Variants in ITPK1 observed in about 807,000 individuals in gnomAD.
ITPK1 encodes the protein inositol-tetrakisphosphate 1-kinase.
Under a neutral mutation model 45.3 loss-of-function variants are expected in ITPK1, and 21 were observed. That is an observed-to-expected ratio of 0.46 (90% confidence interval 0.33 to 0.67). ITPK1 has a LOEUF of 0.67. ITPK1 is among the 30% of genes least tolerant of loss of function. ITPK1 has a pLI of 0.02. For missense variants in ITPK1, 474 were observed against 573.5 expected (o/e 0.83, Z 1.77); for synonymous variants, 258 against 253.6 (o/e 1.02, Z -0.16).
intron 5 of ITPK1, among the ~76,000 whole-genome samples, chr14:92,984,505 G>C (rs1886399485): frequency 6.6e-6 from 1 of 151,938 alleles, no homozygotes; most frequent in Non-Finnish European, 1.5e-5. Context: ...CTTTTTTATA[G>C]AATATGAAGT....
intron 3 of ITPK1, among the ~76,000 whole-genome samples, chr14:93,019,550 T>C (rs1359234555): frequency 6.6e-6 from 1 of 152,212 alleles, no homozygotes; most frequent in Non-Finnish European, 1.5e-5. Context: ...TGGGCTGCTC[T>C]CGGGTGCGGC....
chr14:93,034,977 C>T lies in ITPK1; in HGVS notation c.121-18176G>A, dbSNP rs1362531960. Among the ~76,000 whole-genome samples the T allele has an allele frequency of 1.3e-5, 2 of 152,262 alleles. No individual in the cohort carries two copies. Among genetic ancestry groups the T allele is most frequent in the African/African-American group, 4.8e-5 (2 of 41,470 alleles). ...GACGGGCCTGGCCTCTGGGCACCTG[C>T]ACCTACAAAGCAAGTCCTACAGGGT... On this transcript the variant is annotated intron_variant, in intron 3 of 10. Coordinates refer to ENST00000267615, the MANE Select transcript of ITPK1 (RefSeq NM_014216.6). The surrounding 1 kb of genome is among the most constrained non-coding windows in gnomAD (Gnocchi z 4.1).
At chr14:93,083,563 C>A (rs957800078) in intron 2 of ITPK1, among the ~76,000 whole-genome samples, 2 of 152,246 alleles carry the variant, frequency 1.3e-5, no homozygotes, top group Admixed American at 6.5e-5. Flanking sequence ...TCAGGCACCC[C>A]AAATAACAAG....
chr14:93,004,976 G>A (rs1248249538), intron 4 of ITPK1, among the ~76,000 whole-genome samples: 2 of 152,162 alleles, frequency 1.3e-5, no homozygotes, highest in African/African-American at 4.8e-5. Flanking sequence ...GCGGACGGCA[G>A]TCTCAACATG....
chr14:92,951,898 C>A lies in ITPK1; in HGVS notation c.738+48G>T, dbSNP rs1887969647. 5 of 1,467,412 alleles carry A rather than the reference C, an allele frequency of 3.4e-6. No homozygotes were observed. In the East Asian group the frequency reaches 1.2e-4, roughly 36 times the overall value. 90.9% of individuals were successfully genotyped at this position (1,467,412 alleles called of 1,614,324 possible). A position where few individuals can be genotyped will look rare whatever the true frequency, so the allele number is the denominator to read the frequency against. On this transcript the variant is annotated intron_variant, in intron 9 of 10. Coordinates refer to ENST00000267615, the MANE Select transcript of ITPK1 (RefSeq NM_014216.6). The stretch of plus-strand genomic sequence containing the variant: ...TGGCCACAGCAGCCCACACCTAGGC[C>A]CACGGGAGGGCAGTTTCAGGCCAGG...
chr14:93,000,085 CTTCT>C (rs1756415568), intron 4 of ITPK1, among the ~76,000 whole-genome samples: 1 of 152,302 alleles, frequency 6.6e-6, no homozygotes, highest in Middle Eastern at 3.4e-3. Flanking sequence ...GTGCTTTGTT[CTTCT>C]TTAAGATGAA....
chr14:93,078,593 CT>C (rs1488671401), intron 2 of ITPK1, among the ~76,000 whole-genome samples: 1 of 152,222 alleles, frequency 6.6e-6, no homozygotes, highest in Non-Finnish European at 1.5e-5. Flanking sequence ...CAATATCCAT[CT>C]GCTTCCACGG....
At chr14:93,078,885 C>T (rs779328902) in intron 2 of ITPK1, among the ~76,000 whole-genome samples, 1 of 152,160 alleles carries the variant, frequency 6.6e-6, no homozygotes, top group Non-Finnish European at 1.5e-5. Context: ...CAAACTCCAG[C>T]GGCCCTGCTC....
chr14:93,077,706 T>C (rs1891282147), intron 2 of ITPK1, among the ~76,000 whole-genome samples: 1 of 152,148 alleles, frequency 6.6e-6, no homozygotes, highest in African/African-American at 2.4e-5. Flanking sequence ...CTGGCCCTGG[T>C]GCCCACCTCC....
rs1316201141 is a variant in ITPK1 at position 92,958,470 on chromosome 14, C to A, written c.505-104G>T. 2 of 1,144,640 alleles carry A rather than the reference C, an allele frequency of 1.7e-6. No individual in the cohort carries two copies. The highest frequency in any genetic ancestry group is 2.5e-6 in the Non-Finnish European group (2 of 786,312). The allele number at this position is 1,144,640 out of a possible 1,614,324, so 70.9% of individuals were successfully genotyped here. ...CAGAGCACCTCCACCAAGGCCCATC[C>A]CTGGTCCTGTGGCATGAGGACTCCC... On this transcript the variant is annotated intron_variant, in intron 7 of 10. Transcript: ENST00000267615. The surrounding 1 kb of genome is among the most constrained non-coding windows in gnomAD (Gnocchi z 4.4).
intron 3 of ITPK1, among the ~76,000 whole-genome samples, chr14:93,051,035 C>G (rs948651209): frequency 6.6e-6 from 1 of 152,088 alleles, no homozygotes; most frequent in Non-Finnish European, 1.5e-5. Flanking sequence ...GCCCAGTGCT[C>G]AGCACAGGGC....
chr14:93,054,773 C>T (rs1890153361), intron 3 of ITPK1, among the ~76,000 whole-genome samples: 3 of 152,216 alleles, frequency 2.0e-5, no homozygotes, highest in Admixed American at 2.0e-4. Context: ...GCATATATTA[C>T]AGAAAACAGC....
At chr14:92,998,561 G>A (rs868175927) in intron 4 of ITPK1, among the ~76,000 whole-genome samples, 2 of 152,372 alleles carry the variant, frequency 1.3e-5, no homozygotes, top group African/African-American at 4.8e-5. Context: ...GTAGGTGAGG[G>A]ACGGATGAAA....
chr14:93,052,994 G>T (rs1890080467), intron 3 of ITPK1, among the ~76,000 whole-genome samples: 2 of 148,656 alleles, frequency 1.3e-5, no homozygotes, highest in Admixed American at 1.3e-4. Context: ...GGGGGAAGGG[G>T]GAGGGATAGC....
chr14:93,056,041 C>T (rs977424413), intron 3 of ITPK1, among the ~76,000 whole-genome samples: 2 of 152,294 alleles, frequency 1.3e-5, no homozygotes, highest in South Asian at 2.1e-4. Context: ...GAACATCACC[C>T]GGTCTGGGGA....
intron 5 of ITPK1, among the ~76,000 whole-genome samples, chr14:92,970,837 G>A (rs1369908569): frequency 3.3e-5 from 5 of 152,014 alleles, no homozygotes; most frequent in Non-Finnish European, 2.9e-5. Context: ...GGGTTTCACC[G>A]TGTTAGCCAG....
intron 4 of ITPK1, among the ~76,000 whole-genome samples, chr14:93,004,268 G>A (rs1014001387): frequency 1.3e-5 from 2 of 152,260 alleles, no homozygotes; most frequent in Non-Finnish European, 2.9e-5. Flanking sequence ...AAGCAAAGCT[G>A]TCCTCTGAGG....
chr14:93,012,998 G>A lies in ITPK1; in HGVS notation c.246+3678C>T, dbSNP rs563624112. ...CAGGTGGCTCTGGGCGCCACAGCGA[G>A]GAGAAGGCTCGTGTTGCCCCCCTGG... On this transcript the variant is annotated intron_variant, in intron 4 of 10. Transcript: ENST00000267615. This position sits in a 1 kb window ranked among gnomAD's most constrained non-coding sequence, Gnocchi z 4.9. 1.7e-4 allele frequency among the ~76,000 whole-genome samples: 26 copies of A among 152,270 alleles called. No homozygotes were observed. Among genetic ancestry groups the A allele is most frequent in the African/African-American group, 6.3e-4 (26 of 41,556 alleles).
chr14:92,975,209 G>A (rs1885878994), intron 5 of ITPK1, among the ~76,000 whole-genome samples: 1 of 152,270 alleles, frequency 6.6e-6, no homozygotes, highest in South Asian at 2.1e-4. Context: ...CCAAGGGCCT[G>A]CCTATGCCTC....
Sources: gnomAD v4.1 joint callset for allele counts (sites outside exome capture counted in the v4.1 genomes callset) on GRCh38, gnomAD v4.1.1 for gene constraint, Gnocchi (gnomAD v3.1) non-coding constraint, MANE v1.5 for transcripts, NCBI Gene and HGNC (gene_info 2026-07-23, HGNC 2026-07-21) for gene names.